Variants in C22orf31 observed in about 807,000 individuals in gnomAD.
C22orf31 encodes chromosome 22 open reading frame 31, also known as uncharacterized protein C22orf31.
C22orf31 carries 11 observed loss-of-function variants against 15.0 expected under a neutral mutation model. The observed-to-expected ratio is 0.73, with a 90% CI of 0.46 to 1.21. The LOEUF (loss-of-function observed/expected upper bound fraction) is 1.21, where lower values mean the gene tolerates loss of function less well. Among genes scored for constraint, C22orf31 ranks in the 50% most tolerant of loss-of-function variants. The pLI, the probability that C22orf31 is intolerant of heterozygous loss-of-function variation, is 0.00. For synonymous variants in C22orf31, 132 were observed against 133.3 expected (o/e 0.99, Z 0.07); for missense variants, 340 against 347.2 (o/e 0.98, Z 0.17).
Position 29,060,613 on chromosome 22 carries a change from C to T in C22orf31, c.234G>A (p.Lys78=). ...PLIASSFSLV[K]LVLRRQLKNK... ...TCTTCAGTTGCCGCCTGAGTACAAGCTTAACCAGGGAGAAGGAACTGGCAA... is the reference window on the plus strand; with the variant it reads ...TCTTCAGTTGCCGCCTGAGTACAAGTTTAACCAGGGAGAAGGAACTGGCAA... Residue 78 remains lysine (K), a synonymous_variant, in exon 2 of 3, where the codon AAG becomes AAA. Coordinates refer to ENST00000216071, the MANE Select transcript of C22orf31 (RefSeq NM_015370.2). The T allele has an allele frequency of 6.2e-7, 1 of 1,614,180 alleles. No homozygotes were observed. The highest frequency in any genetic ancestry group is 8.5e-7 in the Non-Finnish European group (1 of 1,180,042).
At chr22:29,061,433 ATGT>A (rs1229987691) in intron 1 of C22orf31, among the ~76,000 whole-genome samples, 1 of 151,920 alleles carries the variant, frequency 6.6e-6, no homozygotes, top group Non-Finnish European at 1.5e-5. Context: ...CACCCAGCTG[ATGT>A]TGTATTTTTA....
chr22:29,061,395 T>C (rs910543123), intron 1 of C22orf31, among the ~76,000 whole-genome samples: 1 of 152,036 alleles, frequency 6.6e-6, no homozygotes, highest in Non-Finnish European at 1.5e-5. Context: ...GCCTCCGAAG[T>C]AGTTGAGATT....
upstream of C22orf31, among the ~76,000 whole-genome samples, chr22:29,066,038 A>G (rs2037426917): frequency 6.6e-6 from 1 of 151,500 alleles, no homozygotes; most frequent in African/African-American, 2.4e-5. Context: ...TTTAGCTCGT[A>G]TAATCTTCCT....
intron 2 of C22orf31, chr22:29,060,037 T>TA (rs1226207545): frequency 1.3e-4 from 115 of 895,864 alleles, no homozygotes; most frequent in African/African-American, 3.4e-4. Flanking sequence ...TTTTTTTTTT[T>TA]TTTTTTATTT....
the C22orf31 span, among the ~76,000 whole-genome samples, chr22:29,070,626 G>T: frequency 2.0e-5 from 3 of 152,138 alleles, no homozygotes; most frequent in Admixed American, 6.5e-5. Context: ...AGGTGTGGTG[G>T]CATGCCTCTG....
At position 29,059,111 on chromosome 22, in the gene C22orf31, C is replaced by T. The variant is rs1328477568; in HGVS notation, c.504G>A (p.Val168=). 6.2e-7 allele frequency: 1 copy of T among 1,614,178 alleles called. No individual in the cohort carries two copies. The highest frequency in any genetic ancestry group is 1.7e-5 in the Admixed American group (1 of 60,024). The change falls in exon 3 of 3, where the codon GTG becomes GTA. Residue 168 remains valine (V), a synonymous_variant. Coordinates refer to ENST00000216071, the MANE Select transcript of C22orf31 (RefSeq NM_015370.2). The part of the protein sequence containing the change: ...QDLEDRYAEH[V]AATQALPQDS... ...CCTGGGGTAGCGCTTGGGTGGCAGC[C>T]ACATGTTCAGCATATCTGTCCTCAA...
chr22:29,073,762 C>T, the C22orf31 span, among the ~76,000 whole-genome samples: 711 of 151,918 alleles, frequency 4.7e-3, 3 homozygotes, highest in Middle Eastern at 0.017. The surrounding 1 kb of genome is among the most constrained non-coding windows in gnomAD (Gnocchi z 4.4). Context: ...GCCCCCTGCT[C>T]CCCGGTACCT....
the C22orf31 span, among the ~76,000 whole-genome samples, chr22:29,068,105 A>G: frequency 1.6e-5 from 2 of 123,060 alleles, no homozygotes; most frequent in Non-Finnish European, 1.7e-5. Flanking sequence ...TTTTTTTGAG[A>G]CAGAGTCTCA....
intron 1 of C22orf31, among the ~76,000 whole-genome samples, chr22:29,061,289 G>A (rs1013107939): frequency 1.3e-5 from 2 of 152,100 alleles, no homozygotes; most frequent in Non-Finnish European, 2.9e-5. Flanking sequence ...TGGGGGGGAC[G>A]GAGTTTAGCT....
At chr22:29,069,488 A>C in the C22orf31 span, among the ~76,000 whole-genome samples, 11 of 152,128 alleles carry the variant, frequency 7.2e-5, no homozygotes, top group Non-Finnish European at 1.5e-5. Flanking sequence ...AAACAGACAA[A>C]CGGACACCAA....
chr22:29,069,964 G>C, the C22orf31 span, among the ~76,000 whole-genome samples: 4 of 54,336 alleles, frequency 7.4e-5, no homozygotes, highest in Admixed American at 8.0e-4. Context: ...TTTTTTTTTT[G>C]AGATGGAGTC....
In C22orf31 at chr22:29,059,116, G is replaced by A; in HGVS notation, c.499C>T (p.His167Tyr). The change falls in exon 3 of 3, where the codon CAT (histidine) becomes TAT (tyrosine). Residue 167 changes from histidine (H) to tyrosine (Y), a missense_variant. Coordinates refer to ENST00000216071, the MANE Select transcript of C22orf31 (RefSeq NM_015370.2). Reference protein sequence around the residue: ...RQDLEDRYAEHVAATQALPQD... With the variant: ...RQDLEDRYAEYVAATQALPQD... ...GGTAGCGCTTGGGTGGCAGCCACATGTTCAGCATATCTGTCCTCAAGATCT... is the reference window on the plus strand; with the variant it reads ...GGTAGCGCTTGGGTGGCAGCCACATATTCAGCATATCTGTCCTCAAGATCT... 4 of 1,614,148 alleles carry A rather than the reference G, an allele frequency of 2.5e-6. No individual in the cohort carries two copies. Among genetic ancestry groups the A allele is most frequent in the South Asian group, 1.1e-5 (1 of 91,072 alleles).
the C22orf31 span, among the ~76,000 whole-genome samples, chr22:29,070,665 G>A: frequency 7.2e-5 from 11 of 152,134 alleles, no homozygotes; most frequent in East Asian, 3.9e-4. Context: ...AGGCTGAAGC[G>A]GGAGGATCAC....
At chr22:29,065,072 C>T (rs1393213284), upstream of C22orf31, among the ~76,000 whole-genome samples, 1 of 151,978 alleles carries the variant, frequency 6.6e-6, no homozygotes, top group African/African-American at 2.4e-5. Flanking sequence ...CCAGGCTGGT[C>T]TCGAACTCCT....
chr22:29,064,540 G>T (rs567673636), upstream of C22orf31, among the ~76,000 whole-genome samples: 3 of 151,708 alleles, frequency 2.0e-5, no homozygotes, highest in Admixed American at 6.6e-5. Context: ...TCAAGACAGG[G>T]TCTCAGTCTG....
At chr22:29,061,272 T>G (rs1015256085) in intron 1 of C22orf31, among the ~76,000 whole-genome samples, 1 of 152,124 alleles carries the variant, frequency 6.6e-6, no homozygotes, top group African/African-American at 2.4e-5. Context: ...CTTTCTTTTT[T>G]TGTGTGTGGG....
At chr22:29,060,028 T>C (rs1238035210) in intron 2 of C22orf31, 46 of 906,682 alleles carry the variant, frequency 5.1e-5, no homozygotes, top group Middle Eastern at 5.6e-4. Context: ...TTTCTTTTTT[T>C]TTTTTTTTTT....
In C22orf31 at chr22:29,060,035, T is replaced by TA. The variant is rs1462550802; in HGVS notation, c.432+379_432+380insT. 1.0e-5 allele frequency: 9 copies of TA among 894,306 alleles called. No individual in the cohort carries two copies. The East Asian group carries it at 1.1e-3, about 108-fold the overall frequency. The allele number at this position is 894,306 out of a possible 1,614,324, so 55.4% of individuals were successfully genotyped here. Reference sequence around the variant, plus strand: ...TTTTTTCTTTTCTTTTTTTTTTTTTTTTTTTTTTATTTTTTAGACAGGGTC... The same window carrying TA: ...TTTTTTCTTTTCTTTTTTTTTTTTTTATTTTTTTTATTTTTTAGACAGGGTC... On this transcript the variant is annotated intron_variant, in intron 2 of 2. Coordinates refer to ENST00000216071, the MANE Select transcript of C22orf31 (RefSeq NM_015370.2).
the C22orf31 span, among the ~76,000 whole-genome samples, chr22:29,069,906 TTA>T: frequency 6.6e-6 from 1 of 152,022 alleles, no homozygotes; most frequent in African/African-American, 2.4e-5. Flanking sequence ...CACACATGCT[TTA>T]TCTTTTCATC....
Sources: allele counts gnomAD v4.1 joint callset (sites outside exome capture counted in the v4.1 genomes callset), GRCh38; gene constraint gnomAD v4.1.1; non-coding constraint Gnocchi (gnomAD v3.1); transcripts MANE v1.5; gene names NCBI Gene and HGNC (gene_info 2026-07-23, HGNC 2026-07-21).